Variants in CCDC102B observed in about 807,000 individuals in gnomAD.
CCDC102B encodes the protein coiled-coil domain containing 102B, also known as coiled-coil domain-containing protein 102B.
Under a neutral mutation model 57.4 loss-of-function variants are expected in CCDC102B, and 75 were observed. The ratio of observed to expected loss-of-function variants is 1.31; its 90% CI spans 1.08 to 1.58. CCDC102B has a LOEUF of 1.58. CCDC102B is among the 40% of genes most tolerant of loss of function. The probability of loss-of-function intolerance (pLI) is 0.00; values close to 1 mark genes in which losing one functional copy is unlikely to be tolerated. For synonymous variants in CCDC102B, 206 were observed against 201.9 expected, an observed-to-expected ratio of 1.02 and a Z score of -0.17; for missense variants, 636 against 582.6, an observed-to-expected ratio of 1.09 and a Z score of -0.94.
At chr18:69,037,349 T>A (rs1191899912) in intron 7 of CCDC102B, among the ~76,000 whole-genome samples, 1 of 151,976 alleles carries the variant, frequency 6.6e-6, no homozygotes, top group Non-Finnish European at 1.5e-5. Context: ...TCACAGTCTA[T>A]GAGGGACAGA....
intron 2 of CCDC102B, among the ~76,000 whole-genome samples, chr18:68,728,973 A>G (rs1393290649): frequency 6.6e-6 from 1 of 152,144 alleles, no homozygotes; most frequent in Non-Finnish European, 1.5e-5. Flanking sequence ...CTGCGGGAGT[A>G]AATTTAAAAA....
At chr18:68,792,943 TAGC>T (rs1224026273) in intron 2 of CCDC102B, among the ~76,000 whole-genome samples, 5 of 152,300 alleles carry the variant, frequency 3.3e-5, no homozygotes, top group South Asian at 4.1e-4. Flanking sequence ...ATTTTTAAAA[TAGC>T]AGGAGGGAAG....
chr18:68,899,796 G>GT (rs1445024390), intron 6 of CCDC102B: 3 of 152,008 alleles, frequency 2.0e-5, no homozygotes, highest in South Asian at 2.1e-4. Flanking sequence ...TTTACATTTG[G>GT]TTTTTTTATT....
chr18:69,002,359 C>T (rs1386262129), intron 6 of CCDC102B, among the ~76,000 whole-genome samples: 1 of 152,128 alleles, frequency 6.6e-6, no homozygotes, highest in African/African-American at 2.4e-5. Context: ...AAGATGACAT[C>T]CCTTCTCATT....
intron 4 of CCDC102B, among the ~76,000 whole-genome samples, chr18:68,872,219 A>T (rs1013522836): frequency 4.6e-5 from 7 of 152,152 alleles, no homozygotes; most frequent in African/African-American, 1.7e-4. Flanking sequence ...TTGAGTAGGA[A>T]GTTGGACATG....
intron 6 of CCDC102B, among the ~76,000 whole-genome samples, chr18:68,998,287 A>G (rs946005395): frequency 1.3e-5 from 2 of 148,458 alleles, no homozygotes; most frequent in Non-Finnish European, 3.0e-5. Context: ...ATAATTACAT[A>G]TAGACACATA....
At chr18:68,791,647 AAAG>A (rs2035465130) in intron 2 of CCDC102B, among the ~76,000 whole-genome samples, 2 of 10,226 alleles carry the variant, frequency 2.0e-4, no homozygotes, top group Admixed American at 3.6e-3. Flanking sequence ...TGTATGTGAG[AAAG>A]AGAGATTTTA....
chr18:68,772,502 A>G (rs1365254643), intron 2 of CCDC102B, among the ~76,000 whole-genome samples: 3 of 152,102 alleles, frequency 2.0e-5, no homozygotes, highest in Non-Finnish European at 4.4e-5. Context: ...CATAAGATCT[A>G]TGGCCAACTT....
intron 4 of CCDC102B, among the ~76,000 whole-genome samples, chr18:68,852,996 G>A (rs114194393): frequency 0.015 from 2,274 of 152,038 alleles, 62 homozygotes; most frequent in African/African-American, 0.051. Context: ...TGCAATTTTC[G>A]TAAGATAATT....
intron 2 of CCDC102B, among the ~76,000 whole-genome samples, chr18:68,787,746 T>C (rs1299648935): frequency 6.6e-6 from 1 of 150,670 alleles, no homozygotes; most frequent in Non-Finnish European, 1.5e-5. Context: ...TTGCTAGCGG[T>C]CTATCAATTT....
chr18:68,857,291 T>C (rs1210489696), intron 4 of CCDC102B, among the ~76,000 whole-genome samples: 2 of 6,056 alleles, frequency 3.3e-4, no homozygotes, highest in African/African-American at 7.4e-4. Flanking sequence ...TATATTTATA[T>C]ATTATATATA....
At chr18:68,741,615 GAAGAA>G (rs1474459973) in intron 2 of CCDC102B, among the ~76,000 whole-genome samples, 13 of 150,484 alleles carry the variant, frequency 8.6e-5, no homozygotes, top group Non-Finnish European at 1.8e-4. Flanking sequence ...TGGTTATCCT[GAAGAA>G]AAGAAAAGGT....
intron 4 of CCDC102B, among the ~76,000 whole-genome samples, chr18:68,863,370 A>G (rs2038844047): frequency 6.6e-6 from 1 of 151,924 alleles, no homozygotes; most frequent in Admixed American, 6.6e-5. Context: ...GGTTTGAATC[A>G]ATTTCAAGAC....
chr18:68,979,447 TA>T (rs947135987), intron 6 of CCDC102B, among the ~76,000 whole-genome samples: 5 of 151,810 alleles, frequency 3.3e-5, no homozygotes, highest in Admixed American at 1.3e-4. Context: ...AAAAAAAGAA[TA>T]AAAAAACAAG....
chr18:68,880,262 G>A (rs1023047693), intron 5 of CCDC102B, among the ~76,000 whole-genome samples: 4 of 152,242 alleles, frequency 2.6e-5, no homozygotes, highest in African/African-American at 9.6e-5. Flanking sequence ...ATTGCCCGGG[G>A]CCGGCAGGGC....
At chr18:68,811,639 A>G (rs1423801130) in intron 1 of CCDC102B, among the ~76,000 whole-genome samples, 1 of 152,094 alleles carries the variant, frequency 6.6e-6, no homozygotes, top group Non-Finnish European at 1.5e-5. Context: ...CAAAAAACAT[A>G]AGAAAGTCAA....
At chr18:68,791,280 C>T (rs2035450186) in intron 2 of CCDC102B, among the ~76,000 whole-genome samples, 1 of 152,128 alleles carries the variant, frequency 6.6e-6, no homozygotes, top group Admixed American at 6.5e-5. Flanking sequence ...GACACTCTTT[C>T]CTTAGTGAGG....
At chr18:68,888,068 T>C (rs1942290) in intron 5 of CCDC102B, among the ~76,000 whole-genome samples, 138,981 of 152,242 alleles carry the variant, frequency 0.91, 63,503 homozygotes, top group East Asian at 0.99. Context: ...AATAGTATAC[T>C]TACAACAGAC....
intron 2 of CCDC102B, among the ~76,000 whole-genome samples, chr18:68,758,330 ATTATT>A (rs1342885403): frequency 6.6e-6 from 1 of 151,928 alleles, no homozygotes; most frequent in African/African-American, 2.4e-5. Flanking sequence ...GTCTATACAC[ATTATT>A]TTAACAAATC....
Sources: gnomAD v4.1 joint callset for allele counts (sites outside exome capture counted in the v4.1 genomes callset) on GRCh38, gnomAD v4.1.1 for gene constraint, MANE v1.5 for transcripts, NCBI Gene and HGNC (gene_info 2026-07-23, HGNC 2026-07-21) for gene names.